The following EML1 variants were observed in gnomAD, a reference collection of about 807,000 sequenced individuals.
EML1 encodes echinoderm microtubule-associated protein-like 1.
Under a neutral mutation model 110.4 loss-of-function variants are expected in EML1, and 27 were observed. The ratio of observed to expected loss-of-function variants is 0.24; its 90% CI spans 0.18 to 0.34. The LOEUF (loss-of-function observed/expected upper bound fraction) is 0.34. EML1 is among the 10% of genes least tolerant of loss of function. The pLI is 1.00. For missense variants in EML1, 741 were observed against 1,030.9 expected, an observed-to-expected ratio of 0.72 and a Z score of 3.85; for synonymous variants, 344 against 385.8, an observed-to-expected ratio of 0.89 and a Z score of 1.27.
At chr14:99,752,108 A>G (rs2057183589) in intron 1 of EML1, among the ~76,000 whole-genome samples, 1 of 152,152 alleles carries the variant, frequency 6.6e-6, no homozygotes, top group African/African-American at 2.4e-5. Flanking sequence ...CCCACCGCGC[A>G]GGGCTGATGT....
chr14:99,940,995 T>G lies in EML1; in HGVS notation c.*883T>G, dbSNP rs1208662932. On this transcript the variant is annotated 3_prime_UTR_variant, in exon 22 of 22. Coordinates refer to ENST00000262233, the MANE Select transcript of EML1 (RefSeq NM_004434.3). ...TCTTATGCTTATGGACATTGTATAT[T>G]TGTATTTTATGACCAAGTAGACCAA... 2 of 152,226 alleles carry G rather than the reference T, an allele frequency of 1.3e-5. No homozygotes were observed. Among genetic ancestry groups the G allele is most frequent in the South Asian group, 4.1e-4 (2 of 4,826 alleles). 9.4% of individuals were successfully genotyped at this position (152,226 alleles called of 1,614,324 possible).
At position 99,939,944 on chromosome 14, in the gene EML1, GC is replaced by G. The variant is rs2060557348; in HGVS notation, c.2323-41del. On this transcript the variant is annotated intron_variant, in intron 21 of 21. Transcript: ENST00000262233. The surrounding 1 kb of genome is among the most constrained non-coding windows in gnomAD (Gnocchi z 4.2). ...AGCACTTTCCCATCCCAGATGGTTC[GC>G]CTTGTAGTAAAGGAAGCTTTCCCCC... 1.3e-6 allele frequency: 2 copies of G among 1,488,444 alleles called. No homozygotes were observed. Among genetic ancestry groups the G allele is most frequent in the Non-Finnish European group, 1.8e-6 (2 of 1,114,862 alleles). 92.2% of individuals were successfully genotyped at this position (1,488,444 alleles called of 1,614,324 possible).
intron 1 of EML1, among the ~76,000 whole-genome samples, chr14:99,842,406 A>T (rs1032778984): frequency 6.6e-6 from 1 of 152,244 alleles, no homozygotes; most frequent in South Asian, 2.1e-4. Flanking sequence ...GCTGCTGCCA[A>T]GAAGTCTCCC....
chr14:99,798,005 A>G (rs954734704), intron 1 of EML1, among the ~76,000 whole-genome samples: 1 of 152,190 alleles, frequency 6.6e-6, no homozygotes, highest in South Asian at 2.1e-4. Flanking sequence ...CAACCTGTGC[A>G]TGAGCATTTT....
At chr14:99,792,456 T>C (rs534458840), upstream of EML1, among the ~76,000 whole-genome samples, 24 of 152,326 alleles carry the variant, frequency 1.6e-4, no homozygotes, top group Admixed American at 1.6e-3. Flanking sequence ...CTTACTTTAC[T>C]CCATGGGTAT....
chr14:99,765,615 A>T (rs8010515), intron 1 of EML1, among the ~76,000 whole-genome samples: 69,857 of 151,890 alleles, frequency 0.46, 16,627 homozygotes, highest in Admixed American at 0.57. Context: ...ATATATATAT[A>T]TTTTTTGAGA....
At chr14:99,882,403 A>G (rs2059400104) in intron 4 of EML1, among the ~76,000 whole-genome samples, 1 of 152,226 alleles carries the variant, frequency 6.6e-6, no homozygotes, top group Non-Finnish European at 1.5e-5. Flanking sequence ...TGTAAGTCTT[A>G]AGGGAATGAG....
rs1366302655 is a variant in EML1 at position 99,905,702 on chromosome 14, C to A, written c.1009-1936C>A. On this transcript the variant is annotated intron_variant, in intron 9 of 21. Coordinates refer to ENST00000262233, the MANE Select transcript of EML1 (RefSeq NM_004434.3). This position sits in a 1 kb window ranked among gnomAD's most constrained non-coding sequence, Gnocchi z 4.1. ...ACCCAAAGATGATAATAGCAGTTAACGTCCCATAGTGCCAAGCCTGTTCTT... is the reference window on the plus strand; with the variant it reads ...ACCCAAAGATGATAATAGCAGTTAAAGTCCCATAGTGCCAAGCCTGTTCTT... Among the ~76,000 whole-genome samples, 1 of 152,130 alleles carries A rather than the reference C, an allele frequency of 6.6e-6. No homozygotes were observed. The highest frequency in any genetic ancestry group is 2.4e-5 in the African/African-American group (1 of 41,424).
chr14:99,830,546 C>CTTTTTGTTTT (rs1555393913), intron 1 of EML1, among the ~76,000 whole-genome samples: 1,521 of 151,194 alleles, frequency 0.01, 26 homozygotes, highest in African/African-American at 0.033. Flanking sequence ...CATGTTTTGC[C>CTTTTTGTTTT]TTTTTGTTTT....
intron 1 of EML1, among the ~76,000 whole-genome samples, chr14:99,753,385 T>C (rs2057204671): frequency 6.6e-6 from 1 of 151,766 alleles, no homozygotes; most frequent in Non-Finnish European, 1.5e-5. Flanking sequence ...AGCGGATCCC[T>C]GTGGGCCCCT....
At chr14:99,892,149 T>C (rs918151219) in intron 5 of EML1, 1 of 985,296 alleles carries the variant, frequency 1.0e-6, no homozygotes, top group African/African-American at 1.7e-5. Context: ...CCCTTCTGTC[T>C]CTGTCTCCGA....
At chr14:99,799,386 A>G (rs2057833095) in intron 1 of EML1, among the ~76,000 whole-genome samples, 1 of 152,238 alleles carries the variant, frequency 6.6e-6, no homozygotes, top group Non-Finnish European at 1.5e-5. Flanking sequence ...CTCGATGGTT[A>G]TAAACAAGTA....
chr14:99,869,515 T>TA (rs2059158921), intron 3 of EML1, among the ~76,000 whole-genome samples: 1 of 152,188 alleles, frequency 6.6e-6, no homozygotes. Flanking sequence ...AGTAACCCTA[T>TA]AATGGCCTCT....
intron 4 of EML1, among the ~76,000 whole-genome samples, chr14:99,889,468 G>A (rs1335971687): frequency 6.6e-6 from 1 of 152,196 alleles, no homozygotes; most frequent in Non-Finnish European, 1.5e-5. Flanking sequence ...TTGCCTCCTG[G>A]TGGGAGAAAC....
At chr14:99,801,251 G>A (rs1487829035) in intron 1 of EML1, among the ~76,000 whole-genome samples, 7 of 152,238 alleles carry the variant, frequency 4.6e-5, no homozygotes, top group Middle Eastern at 3.2e-3. Context: ...CTGATTTCCA[G>A]TGAATACCTA....
intron 17 of EML1, among the ~76,000 whole-genome samples, chr14:99,924,180 G>T (rs1014031785): frequency 6.6e-6 from 1 of 151,740 alleles, no homozygotes; most frequent in African/African-American, 2.4e-5. Context: ...CAAAATAAGT[G>T]TTTTTTTTAT....
intron 1 of EML1, among the ~76,000 whole-genome samples, chr14:99,805,074 T>C (rs911904732): frequency 1.7e-4 from 26 of 152,184 alleles, no homozygotes; most frequent in African/African-American, 5.8e-4. Flanking sequence ...TCCCTTGTCC[T>C]TCAGAACCCT....
chr14:99,821,089 C>A (rs983035854), intron 1 of EML1, among the ~76,000 whole-genome samples: 4 of 148,454 alleles, frequency 2.7e-5, no homozygotes, highest in Non-Finnish European at 4.4e-5. Flanking sequence ...GTGACACGGT[C>A]ATAGCTCACT....
intron 1 of EML1, among the ~76,000 whole-genome samples, chr14:99,754,940 G>GA (rs144912094): frequency 0.012 from 1,831 of 152,334 alleles, 36 homozygotes; most frequent in African/African-American, 0.042. Flanking sequence ...TACAGGAGGG[G>GA]ACAGGTGGCC....
Sources: gnomAD v4.1 joint callset for allele counts (sites outside exome capture counted in the v4.1 genomes callset) on GRCh38, gnomAD v4.1.1 for gene constraint, Gnocchi (gnomAD v3.1) non-coding constraint, MANE v1.5 for transcripts, NCBI Gene and HGNC (gene_info 2026-07-23, HGNC 2026-07-21) for gene names.